The following COL5A2 variants were observed in gnomAD, a reference collection of about 807,000 sequenced individuals.
COL5A2 encodes the protein collagen type V alpha 2 chain, also known as collagen alpha-2(V) chain.
Under a neutral mutation model 208.2 loss-of-function variants are expected in COL5A2, and 23 were observed. The ratio of observed to expected loss-of-function variants is 0.11; its 90% confidence interval spans 0.08 to 0.16. COL5A2 has a LOEUF of 0.16. Ranked by LOEUF, COL5A2 falls within the 10% of genes least tolerant of loss-of-function variation. The pLI, the probability that COL5A2 is intolerant of heterozygous loss-of-function variation, is 1.00. For synonymous variants in COL5A2, 625 were observed against 628.5 expected (o/e 0.99, Z 0.08); for missense variants, 1,590 against 1,956.4 (o/e 0.81, Z 3.53).
the COL5A2 span, among the ~76,000 whole-genome samples, chr2:189,342,262 T>G: frequency 7.3e-4 from 109 of 149,794 alleles, no homozygotes; most frequent in African/African-American, 2.6e-3. Context: ...GAACAAATGA[T>G]GAACTGTTAG....
chr2:189,059,584 GGTTTTTTTT>G (rs1386534497), intron 31 of COL5A2, among the ~76,000 whole-genome samples: 215 of 21,262 alleles, frequency 0.01, 5 homozygotes, highest in African/African-American at 0.018. Context: ...TTTCTTTTCT[GGTTTTTTTT>G]TTTTTTTTTT....
At chr2:189,326,348 A>G in the COL5A2 span, among the ~76,000 whole-genome samples, 1 of 152,166 alleles carries the variant, frequency 6.6e-6, no homozygotes, top group Non-Finnish European at 1.5e-5. Context: ...GCAAAGATGT[A>G]GAAAGAAAAT....
At position 189,064,659 on chromosome 2, in the gene COL5A2, T is replaced by C; in HGVS notation, c.1618-4A>G. On this transcript the variant is annotated splice_polypyrimidine_tract_variant and splice_region_variant and intron_variant, in intron 24 of 53. Transcript: ENST00000374866. ...GACCCCGTTCTCCTTGAGCACCCTG[T>C]ACCGAGGCAAAGCAGATGCATGAAG... The C allele has an allele frequency of 6.2e-7, 1 of 1,602,352 alleles. No individual in the cohort carries two copies. Among genetic ancestry groups the C allele is most frequent in the Non-Finnish European group, 8.6e-7 (1 of 1,169,388 alleles).
chr2:189,415,306 T>C, the COL5A2 span, among the ~76,000 whole-genome samples: 2 of 152,234 alleles, frequency 1.3e-5, no homozygotes, highest in Admixed American at 1.3e-4. Flanking sequence ...TTCCTCAATA[T>C]TCTTTAGACA....
chr2:189,219,308 A>T (rs979194261), intron 1 of COL5A2, among the ~76,000 whole-genome samples: 5 of 152,232 alleles, frequency 3.3e-5, no homozygotes, highest in African/African-American at 1.2e-4. Context: ...TTAACATAAA[A>T]AAGACTGGTT....
the COL5A2 span, among the ~76,000 whole-genome samples, chr2:189,336,786 G>A: frequency 7.9e-5 from 12 of 152,102 alleles, no homozygotes; most frequent in African/African-American, 2.7e-4. Context: ...GACTGTACAG[G>A]TTTGCACAAT....
At chr2:189,313,217 C>T in the COL5A2 span, among the ~76,000 whole-genome samples, 1 of 152,016 alleles carries the variant, frequency 6.6e-6, no homozygotes, top group Non-Finnish European at 1.5e-5. Flanking sequence ...CTTATGTAAA[C>T]AGACCGAATC....
the COL5A2 span, among the ~76,000 whole-genome samples, chr2:189,267,248 G>C: frequency 6.6e-6 from 1 of 151,834 alleles, no homozygotes; most frequent in African/African-American, 2.4e-5. Flanking sequence ...GTAGGAGTCA[G>C]ATGAAGTATA....
intron 2 of COL5A2, among the ~76,000 whole-genome samples, chr2:189,105,085 G>A (rs1687123919): frequency 6.6e-6 from 1 of 151,654 alleles, no homozygotes; most frequent in South Asian, 2.1e-4. Context: ...GAAAGTTATT[G>A]TTTATTATGC....
At chr2:189,103,653 C>G (rs1486790209) in intron 3 of COL5A2, among the ~76,000 whole-genome samples, 2 of 152,030 alleles carry the variant, frequency 1.3e-5, no homozygotes, top group Non-Finnish European at 2.9e-5. Flanking sequence ...CAGCTATACT[C>G]GGGTCATGGA....
intron 51 of COL5A2, among the ~76,000 whole-genome samples, chr2:189,038,219 T>A (rs1192757797): frequency 6.6e-6 from 1 of 152,148 alleles, no homozygotes; most frequent in Non-Finnish European, 1.5e-5. Flanking sequence ...GCAGTGTTTA[T>A]GGTTTCATAT....
Position 189,098,768 on chromosome 2 carries a change from T to C in COL5A2, c.370-9A>G. The C allele has an allele frequency of 6.2e-7, 1 of 1,611,508 alleles. No homozygotes were observed. The highest frequency in any genetic ancestry group is 8.5e-7 in the Non-Finnish European group (1 of 1,177,880). On this transcript the variant is annotated splice_polypyrimidine_tract_variant and intron_variant, in intron 4 of 53. Transcript: ENST00000374866. ...CCACGTATGCCTGTTACCTAAACAATAAACAAGAAAATTTGTAAAGGTAAA... is the reference window on the plus strand; with the variant it reads ...CCACGTATGCCTGTTACCTAAACAACAAACAAGAAAATTTGTAAAGGTAAA...
At chr2:189,432,952 G>A in the COL5A2 span, among the ~76,000 whole-genome samples, 1 of 152,174 alleles carries the variant, frequency 6.6e-6, no homozygotes, top group African/African-American at 2.4e-5. Flanking sequence ...CTCACCAAAT[G>A]TAAAAGAACA....
At chr2:189,035,245 A>G (rs1168271194) in intron 52 of COL5A2, 90 bp from the exon 53 acceptor site, 1 of 1,502,978 alleles carries the variant, frequency 6.7e-7, no homozygotes, top group Non-Finnish European at 9.2e-7. Flanking sequence ...AATTGATTTC[A>G]GATAAATCAA....
Position 189,043,161 on chromosome 2 carries a change from G to T in COL5A2, c.3461C>A (p.Pro1154His). Residue 1154 changes from proline to histidine, a missense_variant, in exon 48 of 54, where the codon CCT becomes CAT. Pro to His is a moderately conservative substitution (Grantham distance 77, BLOSUM62 -2). Transcript: ENST00000374866. ...AAAGGAATAACTTACAGGAGGGCCA[G>T]GAAGACCCTGAAGACCAGTAAAGCC... ...HRGFTGLQGL[P>H]GPPGPNGEQG... The T allele has an allele frequency of 6.2e-7, 1 of 1,612,764 alleles. No homozygotes were observed. Among genetic ancestry groups the T allele is most frequent in the Non-Finnish European group, 8.5e-7 (1 of 1,179,018 alleles).
At chr2:189,121,204 T>C (rs1687493291) in intron 1 of COL5A2, among the ~76,000 whole-genome samples, 1 of 152,124 alleles carries the variant, frequency 6.6e-6, no homozygotes, top group Non-Finnish European at 1.5e-5. Flanking sequence ...CTTTCTTTAA[T>C]TTATTGTTTT....
the COL5A2 span, among the ~76,000 whole-genome samples, chr2:189,246,935 C>T: frequency 6.6e-6 from 1 of 152,288 alleles, no homozygotes; most frequent in East Asian, 1.9e-4. Flanking sequence ...TAACCTGAAA[C>T]AACACTATTG....
In COL5A2 at chr2:189,080,021, C is replaced by G. The variant is rs1477771143; in HGVS notation, c.917G>C (p.Gly306Ala). 4 of 1,612,320 alleles carry G rather than the reference C, an allele frequency of 2.5e-6. No individual in the cohort carries two copies. Among genetic ancestry groups the G allele is most frequent in the Non-Finnish European group, 2.5e-6 (3 of 1,178,634 alleles). Residue 306 changes from glycine to alanine, a missense_variant, in exon 14 of 54, where the codon GGT (glycine) becomes GCT (alanine). Physicochemically the swap from Gly to Ala is moderately conservative, Grantham distance 60. Coordinates refer to ENST00000374866, the MANE Select transcript of COL5A2 (RefSeq NM_000393.5). ...AACTTCACCTTTAGGGCCTTCAAGA[C>G]CTTTGTGTCCCTGAGAATAAAAATG... ...PGLKGHRGHK[G>A]LEGPKGEVGA...
chr2:189,135,675 T>C (rs1687814621), intron 1 of COL5A2, among the ~76,000 whole-genome samples: 1 of 152,188 alleles, frequency 6.6e-6, no homozygotes, highest in Non-Finnish European at 1.5e-5. Context: ...AGAACACATA[T>C]TTTATAAGAG....
Sources: gnomAD v4.1 joint callset for allele counts (sites outside exome capture counted in the v4.1 genomes callset) on GRCh38, gnomAD v4.1.1 for gene constraint, MANE v1.5 for transcripts, NCBI Gene and HGNC (gene_info 2026-07-23, HGNC 2026-07-21) for gene names.